The following PPP1R12A variants were observed in gnomAD, a reference collection of about 807,000 sequenced individuals.
The protein encoded by PPP1R12A is myosin binding subunit.
In PPP1R12A, 19 loss-of-function variants were observed where a neutral mutation model predicts 139.6. The ratio of observed to expected loss-of-function variants is 0.14; its 90% CI spans 0.09 to 0.20. The LOEUF (loss-of-function observed/expected upper bound fraction) is 0.20, where lower values mean the gene tolerates loss of function less well. PPP1R12A is among the 10% of genes least tolerant of loss of function. PPP1R12A has a pLI of 1.00. For synonymous variants in PPP1R12A, 427 were observed against 420.6 expected, an observed-to-expected ratio of 1.02 and a Z score of -0.19; for missense variants, 925 against 1,211.5, an observed-to-expected ratio of 0.76 and a Z score of 3.51.
intron 2 of PPP1R12A, among the ~76,000 whole-genome samples, chr12:79,863,859 A>T (rs1330586701): frequency 6.6e-6 from 1 of 152,148 alleles, no homozygotes; most frequent in Non-Finnish European, 1.5e-5. Flanking sequence ...GAGACCTACG[A>T]AGAGACTTAG....
chr12:79,779,653 C>T, intron 23 of PPP1R12A: 1 of 286,666 alleles, frequency 3.5e-6, no homozygotes, highest in South Asian at 3.4e-5. Context: ...TACAAATCAT[C>T]ACACTTCTCA....
chr12:79,884,488 T>C (rs527307603), intron 1 of PPP1R12A, among the ~76,000 whole-genome samples: 177 of 152,292 alleles, frequency 1.2e-3, no homozygotes, highest in African/African-American at 4.2e-3. Flanking sequence ...TGTAAATTGT[T>C]CAAACTGTTG....
chr12:79,870,163 A>G (rs962865802), intron 2 of PPP1R12A, among the ~76,000 whole-genome samples: 17 of 152,070 alleles, frequency 1.1e-4, no homozygotes, highest in African/African-American at 3.6e-4. Context: ...CAATGGTGCT[A>G]TCTCAGCTCA....
intron 1 of PPP1R12A, among the ~76,000 whole-genome samples, chr12:79,896,916 C>T (rs558380580): frequency 6.6e-6 from 1 of 152,220 alleles, no homozygotes; most frequent in South Asian, 2.1e-4. Flanking sequence ...TTAGATTATC[C>T]TCACAGCAAA....
chr12:79,796,773 T>C lies in PPP1R12A; in HGVS notation c.2461+9A>G. 6.3e-7 allele frequency: 1 copy of C among 1,582,084 alleles called. No homozygotes were observed. The highest frequency in any genetic ancestry group is 1.1e-5 in the South Asian group (1 of 87,620). ...AAAGCAAAGTGTTTTCAAAATTTGGTATTCTTACCTCTTTCATTTTCTTTT... is the reference window on the plus strand; with the variant it reads ...AAAGCAAAGTGTTTTCAAAATTTGGCATTCTTACCTCTTTCATTTTCTTTT... On this transcript the variant is annotated intron_variant, in intron 17 of 24. Transcript: ENST00000450142.
At chr12:79,900,849 A>G (rs1020434717) in intron 1 of PPP1R12A, among the ~76,000 whole-genome samples, 4 of 152,194 alleles carry the variant, frequency 2.6e-5, no homozygotes, top group Non-Finnish European at 4.4e-5. Context: ...TCATCTGGGT[A>G]TCCATGCACC....
intron 2 of PPP1R12A, among the ~76,000 whole-genome samples, chr12:79,854,689 A>C (rs770076565): frequency 2.8e-4 from 43 of 151,876 alleles, no homozygotes; most frequent in Non-Finnish European, 6.2e-4. Context: ...TTTAAATTTT[A>C]GAGATGGAGT....
chr12:79,929,315 C>A (rs2136970492), intron 1 of PPP1R12A, among the ~76,000 whole-genome samples: 1 of 152,326 alleles, frequency 6.6e-6, no homozygotes, highest in South Asian at 2.1e-4. Context: ...ATCGACCTGT[C>A]CACGGCCCAG....
At chr12:79,827,324 T>A (rs1295172210) in intron 5 of PPP1R12A, among the ~76,000 whole-genome samples, 1 of 152,150 alleles carries the variant, frequency 6.6e-6, no homozygotes, top group Non-Finnish European at 1.5e-5. Context: ...AATATATTTT[T>A]AAATCAGTTA....
At position 79,921,883 on chromosome 12, in the gene PPP1R12A, A is replaced by C. The variant is rs542543797; in HGVS notation, c.237+12812T>G. On this transcript the variant is annotated intron_variant, in intron 1 of 24. Transcript: ENST00000450142. Reference sequence around the variant, plus strand: ...GAACACTTTTTACCTTGTCTTCCCCAATTGCTTCTCTGAGTGAAATACAAC... The same window carrying C: ...GAACACTTTTTACCTTGTCTTCCCCCATTGCTTCTCTGAGTGAAATACAAC... Among the ~76,000 whole-genome samples, 206 of 152,354 alleles carry C rather than the reference A, an allele frequency of 1.4e-3. 1 individual carries two copies. Among genetic ancestry groups the C allele is most frequent in the Non-Finnish European group, 2.0e-3 (135 of 68,038 alleles).
chr12:79,809,905 G>C lies in PPP1R12A; in HGVS notation c.1345C>G (p.Leu449Val), dbSNP rs750449408. The C allele has an allele frequency of 1.2e-6, 2 of 1,613,422 alleles. No individual in the cohort carries two copies. Among genetic ancestry groups the C allele is most frequent in the South Asian group, 2.2e-5 (2 of 91,052 alleles). Residue 449 changes from leucine to valine, a missense_variant, in exon 10 of 25, where the codon CTT becomes GTT. Physicochemically the swap from Leu to Val is conservative, Grantham distance 32. This residue lies in a region of PPP1R12A where 403 missense variants were observed against 463.7 expected (regional missense o/e 0.87). Coordinates refer to ENST00000450142, the MANE Select transcript of PPP1R12A (RefSeq NM_002480.3). ...TCTTTAGATGCTGTGATTTCAGCAA[G>C]TGCACCATAGCTGCCCGTCTTTCTA... is the stretch of plus-strand genomic sequence containing the variant. ...GLRKTGSYGALAEITASKEGQ... is the reference protein window; with the variant it reads ...GLRKTGSYGAVAEITASKEGQ...
chr12:79,904,418 A>G (rs964005450), intron 1 of PPP1R12A, among the ~76,000 whole-genome samples: 1 of 152,024 alleles, frequency 6.6e-6, no homozygotes, highest in African/African-American at 2.4e-5. Flanking sequence ...CTACCTAACA[A>G]AACATTTTGA....
chr12:79,888,728 T>A (rs1260518416), intron 1 of PPP1R12A, among the ~76,000 whole-genome samples: 1 of 152,172 alleles, frequency 6.6e-6, no homozygotes, highest in East Asian at 1.9e-4. Context: ...ATTCATTTAA[T>A]CTTCACAACA....
intron 19 of PPP1R12A, among the ~76,000 whole-genome samples, chr12:79,792,520 A>G (rs1166928254): frequency 1.3e-5 from 2 of 152,208 alleles, no homozygotes; most frequent in South Asian, 2.1e-4. Context: ...AAAGAACTCT[A>G]AACAATCTAA....
chr12:79,777,071 CTT>C lies in PPP1R12A; in HGVS notation c.3007-1058_3007-1057del, dbSNP rs1399383012. 26 of 732,594 alleles carry C rather than the reference CTT, an allele frequency of 3.5e-5. 1 individual carries two copies. Among genetic ancestry groups the C allele is most frequent in the East Asian group, 1.3e-4 (1 of 7,716 alleles). 45.4% of individuals were successfully genotyped at this position (732,594 alleles called of 1,614,324 possible). A position where few individuals can be genotyped will look rare whatever the true frequency, so the allele number is the denominator to read the frequency against. ...TTCATTTGAATATTTGTAATATAAA[CTT>C]AAATATAAACTAATGTGGTTCTGAC... On this transcript the variant is annotated intron_variant, in intron 24 of 24. Coordinates refer to ENST00000450142, the MANE Select transcript of PPP1R12A (RefSeq NM_002480.3).
rs373052041 is a variant in PPP1R12A at position 79,918,046 on chromosome 12, T to C, written c.237+16649A>G. On this transcript the variant is annotated intron_variant, in intron 1 of 24. Transcript: ENST00000450142. Reference sequence around the variant, plus strand: ...CCATACACCTCTGCCACATACATAATATCATAAAAGTAAATTTGGCTTTAC... The same window carrying C: ...CCATACACCTCTGCCACATACATAACATCATAAAAGTAAATTTGGCTTTAC... Among the ~76,000 whole-genome samples the C allele has an allele frequency of 5.3e-5, 8 of 152,066 alleles. No homozygotes were observed. The East Asian group carries it at 1.5e-3, about 29-fold the overall frequency.
chr12:79,781,675 C>A, intron 23 of PPP1R12A, 140 bp downstream of exon 23: 1 of 475,768 alleles, frequency 2.1e-6, no homozygotes, highest in Non-Finnish European at 3.7e-6. Context: ...AAAGAAGTTG[C>A]TGCAAAATAC....
At chr12:79,913,310 A>G (rs1025667696) in intron 1 of PPP1R12A, among the ~76,000 whole-genome samples, 2 of 152,188 alleles carry the variant, frequency 1.3e-5, no homozygotes, top group African/African-American at 4.8e-5. Flanking sequence ...TACCTTCCAG[A>G]GTATCTATTA....
At chr12:79,894,429 T>C (rs577159249) in intron 1 of PPP1R12A, among the ~76,000 whole-genome samples, 2 of 152,264 alleles carry the variant, frequency 1.3e-5, no homozygotes, top group Non-Finnish European at 2.9e-5. Context: ...GTCTTGACCA[T>C]ATAAGGCTTT....
Sources: gnomAD v4.1 joint callset for allele counts (sites outside exome capture counted in the v4.1 genomes callset) on GRCh38, gnomAD v4.1.1 for gene constraint, gnomAD v4.1.1 regional missense constraint, MANE v1.5 for transcripts, NCBI Gene and HGNC (gene_info 2026-07-23, HGNC 2026-07-21) for gene names.